The following NRCAM variants were observed in gnomAD, a reference collection of about 807,000 sequenced individuals.
NRCAM encodes neuronal cell adhesion molecule.
NRCAM carries 83 observed loss-of-function variants against 156.5 expected under a neutral mutation model. That is an observed-to-expected ratio of 0.53 (90% CI 0.44 to 0.64). NRCAM has a LOEUF of 0.64. Among genes scored for constraint, NRCAM ranks in the 30% least tolerant of loss-of-function variants. NRCAM has a pLI of 0.00. For synonymous variants in NRCAM, 538 were observed against 563.9 expected, an observed-to-expected ratio of 0.95 and a Z score of 0.65; for missense variants, 1,417 against 1,597.3, an observed-to-expected ratio of 0.89 and a Z score of 1.92.
At chr7:108,299,143 G>A (rs1030194148) in intron 3 of NRCAM, among the ~76,000 whole-genome samples, 9 of 55,090 alleles carry the variant, frequency 1.6e-4, no homozygotes, top group Admixed American at 6.0e-4. Flanking sequence ...AGAAAGAAAA[G>A]AAAAGTAAAA....
At chr7:108,189,623 T>C in intron 20 of NRCAM, 22 bp downstream of exon 20, 2 of 966,410 alleles carry the variant, frequency 2.1e-6, no homozygotes, top group South Asian at 1.3e-5. Context: ...TGATCGGAAA[T>C]AGAGCAAATA....
At chr7:108,313,677 T>C (rs1377386681) in intron 2 of NRCAM, among the ~76,000 whole-genome samples, 1 of 152,214 alleles carries the variant, frequency 6.6e-6, no homozygotes, top group Non-Finnish European at 1.5e-5. Context: ...AAAACCACCC[T>C]TAATAGATTT....
At chr7:108,289,522 A>G (rs954741393) in intron 3 of NRCAM, among the ~76,000 whole-genome samples, 13 of 152,152 alleles carry the variant, frequency 8.5e-5, no homozygotes, top group African/African-American at 3.1e-4. Flanking sequence ...ATTTTGACTA[A>G]CATCTGTTTA....
intron 1 of NRCAM, among the ~76,000 whole-genome samples, chr7:108,454,104 G>T (rs991628762): frequency 1.3e-5 from 2 of 152,182 alleles, no homozygotes; most frequent in Non-Finnish European, 2.9e-5. Flanking sequence ...GACTGTAATG[G>T]GTTGGATTGT....
intron 26 of NRCAM, 121 bp downstream of exon 26, chr7:108,177,869 G>T: frequency 1.2e-6 from 1 of 803,286 alleles, no homozygotes. Flanking sequence ...CCCCTGATCT[G>T]ATCACTATAT....
At chr7:108,297,988 C>T (rs1344031710) in intron 3 of NRCAM, among the ~76,000 whole-genome samples, 7 of 152,120 alleles carry the variant, frequency 4.6e-5, no homozygotes, top group East Asian at 1.9e-4. Context: ...TCCTGGCTTG[C>T]TCATGGGGCA....
chr7:108,171,878 G>A (rs1340955127), intron 28 of NRCAM, among the ~76,000 whole-genome samples: 2 of 151,986 alleles, frequency 1.3e-5, no homozygotes, highest in Admixed American at 6.6e-5. Context: ...TTTTGTTTTC[G>A]TATAGGCCAA....
chr7:108,204,950 T>G (rs2080310321), intron 13 of NRCAM, among the ~76,000 whole-genome samples: 1 of 152,160 alleles, frequency 6.6e-6, no homozygotes, highest in South Asian at 2.1e-4. Flanking sequence ...CACAAAAATG[T>G]AATTTAAAAG....
At chr7:108,358,039 T>C (rs1028234607) in intron 2 of NRCAM, among the ~76,000 whole-genome samples, 5 of 152,168 alleles carry the variant, frequency 3.3e-5, no homozygotes, top group African/African-American at 1.2e-4. Flanking sequence ...GAAATCTTCA[T>C]AAGCCAAAGC....
chr7:108,436,616 T>G (rs1264388299), intron 1 of NRCAM, among the ~76,000 whole-genome samples: 1 of 152,204 alleles, frequency 6.6e-6, no homozygotes. Flanking sequence ...TAAAAAATTT[T>G]TTCATAACAA....
intron 3 of NRCAM, among the ~76,000 whole-genome samples, chr7:108,277,243 G>T (rs1341837944): frequency 6.6e-6 from 1 of 152,072 alleles, no homozygotes; most frequent in Non-Finnish European, 1.5e-5. Context: ...GTGTATCTTT[G>T]TGGTGTTCTC....
chr7:108,304,626 C>A (rs1302841557), intron 3 of NRCAM, among the ~76,000 whole-genome samples: 1 of 152,004 alleles, frequency 6.6e-6, no homozygotes, highest in Non-Finnish European at 1.5e-5. Context: ...ACCAATGAGA[C>A]CCAAATGACT....
intron 2 of NRCAM, among the ~76,000 whole-genome samples, chr7:108,321,072 T>C (rs1219668627): frequency 1.3e-5 from 2 of 152,224 alleles, no homozygotes; most frequent in East Asian, 3.8e-4. Context: ...TTCAGAAAAG[T>C]TGTATAGGTT....
At chr7:108,170,270 T>C (rs1230984205) in intron 28 of NRCAM, among the ~76,000 whole-genome samples, 1 of 152,156 alleles carries the variant, frequency 6.6e-6, no homozygotes, top group Non-Finnish European at 1.5e-5. Flanking sequence ...TGGAGGATAC[T>C]ATGCTAAGTA....
At position 108,160,433 on chromosome 7, in the gene NRCAM, C is replaced by CACA; in HGVS notation, c.3523_3525dup (p.Cys1175dup). 6.2e-7 allele frequency: 1 copy of CACA among 1,613,740 alleles called. No homozygotes were observed. Among genetic ancestry groups the CACA allele is most frequent in the South Asian group, 1.1e-5 (1 of 91,044 alleles). On this transcript the variant is annotated inframe_insertion, in exon 31 of 33. Transcript: ENST00000379028. ...AAAATTAAGATAAGGAGAGCAACAG[C>CACA]ACACATCAGACCAATGAACCAGCCC...
chr7:108,241,594 G>T (rs927390116), intron 3 of NRCAM, among the ~76,000 whole-genome samples: 1 of 152,076 alleles, frequency 6.6e-6, no homozygotes, highest in Non-Finnish European at 1.5e-5. Context: ...TCAGGGCAGG[G>T]ATGGCATCTG....
At chr7:108,411,492 T>C (rs1436501472) in intron 1 of NRCAM, among the ~76,000 whole-genome samples, 1 of 152,196 alleles carries the variant, frequency 6.6e-6, no homozygotes, top group Non-Finnish European at 1.5e-5. Flanking sequence ...TGTTACAACA[T>C]GTGTTGAGAT....
Position 108,209,527 on chromosome 7 carries a change from T to G in NRCAM, c.969A>C (p.Lys323Asn). The change falls in exon 12 of 33, where the codon AAA becomes AAC. Residue 323 changes from lysine (K) to asparagine (N), a missense_variant. Around this residue, in one of 2 missense-constraint regions of NRCAM, gnomAD observed 1,238 missense variants for 1,336.4 expected, o/e 0.93. Coordinates refer to ENST00000379028, the MANE Select transcript of NRCAM (RefSeq NM_001037132.4). ...KNRTVYKNFEKTLQIIHVSEA... is the reference protein window; with the variant it reads ...KNRTVYKNFENTLQIIHVSEA... ...CTGAAACATGAATGATCTGCAAGGT[T>G]TTCTCAAAGTTCTTATAAACTGTCC... 1 of 1,612,518 alleles carries G rather than the reference T, an allele frequency of 6.2e-7. No homozygotes were observed. Among genetic ancestry groups the G allele is most frequent in the Non-Finnish European group, 8.5e-7 (1 of 1,179,462 alleles).
At chr7:108,200,990 T>C (rs1415146664) in intron 13 of NRCAM, among the ~76,000 whole-genome samples, 1 of 151,552 alleles carries the variant, frequency 6.6e-6, no homozygotes, top group African/African-American at 2.4e-5. Context: ...CAAAGGAAAG[T>C]GTGGGGGGCA....
Sources: gnomAD v4.1 joint callset for allele counts (sites outside exome capture counted in the v4.1 genomes callset) on GRCh38, gnomAD v4.1.1 for gene constraint, gnomAD v4.1.1 regional missense constraint, MANE v1.5 for transcripts, NCBI Gene and HGNC (gene_info 2026-07-23, HGNC 2026-07-21) for gene names.